Variants in GRIK1 observed in about 807,000 individuals in gnomAD.
GRIK1 encodes the protein glutamate receptor ionotropic, kainate 1.
Under a neutral mutation model 105.7 loss-of-function variants are expected in GRIK1, and 69 were observed. The observed-to-expected ratio is 0.65, with a 90% CI of 0.54 to 0.80. The LOEUF (loss-of-function observed/expected upper bound fraction) is 0.80. Among genes scored for constraint, GRIK1 ranks in the 30% least tolerant of loss-of-function variants. The pLI, the probability that GRIK1 is intolerant of heterozygous loss-of-function variation, is 0.00. For missense variants in GRIK1, 1,109 were observed against 1,167.3 expected, an observed-to-expected ratio of 0.95 and a Z score of 0.73; for synonymous variants, 438 against 431.3, an observed-to-expected ratio of 1.02 and a Z score of -0.19.
chr21:29,683,937 C>A (rs964852955), intron 3 of GRIK1, among the ~76,000 whole-genome samples: 3 of 152,224 alleles, frequency 2.0e-5, no homozygotes, highest in African/African-American at 7.2e-5. Flanking sequence ...TGCTCTCCCC[C>A]AGGTATCTAC....
Position 29,555,069 on chromosome 21 carries a change from TC to T in GRIK1, c.2589del (p.Asn864IlefsTer21). ...AIGEFIYKSR[K>X]NNDIEQKGKS... ...TGACTCACCTGTTCAATATCATTAT[TC>T]TTCCGTGATTTGTATATGAATTCTC... is the stretch of plus-strand genomic sequence containing the variant. On this transcript the variant is annotated frameshift_variant, in exon 16 of 18. Transcript: ENST00000327783. LOFTEE classifies it high-confidence loss of function. 6.2e-7 allele frequency: 1 copy of T among 1,610,400 alleles called. No homozygotes were observed.
chr21:29,802,169 G>C (rs112773380), intron 1 of GRIK1, among the ~76,000 whole-genome samples: 1 of 152,090 alleles, frequency 6.6e-6, no homozygotes, highest in Non-Finnish European at 1.5e-5. Flanking sequence ...ATTCTCAATT[G>C]TCTCTGAATT....
intron 1 of GRIK1, among the ~76,000 whole-genome samples, chr21:29,751,450 C>T (rs538225412): frequency 6.6e-6 from 1 of 152,188 alleles, no homozygotes; most frequent in Non-Finnish European, 1.5e-5. Context: ...CCTTTAGCTG[C>T]CTCTTGGTCC....
intron 3 of GRIK1, among the ~76,000 whole-genome samples, chr21:29,674,448 T>G (rs2063227439): frequency 6.6e-6 from 1 of 152,046 alleles, no homozygotes. Context: ...TGTAGAACCT[T>G]ATCAAGATTT....
chr21:29,914,973 AT>A (rs1486883268), intron 1 of GRIK1, among the ~76,000 whole-genome samples: 2 of 152,036 alleles, frequency 1.3e-5, no homozygotes, highest in Non-Finnish European at 2.9e-5. Flanking sequence ...AATTATTTAT[AT>A]TTTTTATTGT....
chr21:29,874,725 A>G (rs557866318), intron 1 of GRIK1, among the ~76,000 whole-genome samples: 1 of 152,294 alleles, frequency 6.6e-6, no homozygotes, highest in African/African-American at 2.4e-5. Context: ...CTGTATGTGG[A>G]GAGAAGACCC....
intron 1 of GRIK1, among the ~76,000 whole-genome samples, chr21:29,764,826 A>G (rs1410382770): frequency 3.9e-5 from 6 of 152,208 alleles, no homozygotes; most frequent in Admixed American, 3.3e-4. Flanking sequence ...AATTAAATAT[A>G]TTATAAACGT....
At chr21:29,926,441 A>AG (rs1192700835) in intron 1 of GRIK1, among the ~76,000 whole-genome samples, 1 of 152,198 alleles carries the variant, frequency 6.6e-6, no homozygotes, top group African/African-American at 2.4e-5. Flanking sequence ...TATGAGAAAA[A>AG]CAAAGTTGCA....
chr21:29,880,988 A>T (rs1177272385), intron 1 of GRIK1, among the ~76,000 whole-genome samples: 2 of 152,152 alleles, frequency 1.3e-5, no homozygotes, highest in Non-Finnish European at 2.9e-5. Context: ...CCACTGAACA[A>T]CACCAATGTA....
chr21:29,651,695 G>C (rs2062740745), intron 5 of GRIK1, among the ~76,000 whole-genome samples: 1 of 151,950 alleles, frequency 6.6e-6, no homozygotes, highest in East Asian at 1.9e-4. Flanking sequence ...ACTTCATAAT[G>C]GTTCCAGTCT....
At chr21:29,697,918 C>CTT (rs1457406664) in intron 1 of GRIK1, among the ~76,000 whole-genome samples, 43 of 134,674 alleles carry the variant, frequency 3.2e-4, no homozygotes, top group African/African-American at 1.4e-3. Context: ...TTCTTTCTTT[C>CTT]TCTCTCTCTC....
intron 1 of GRIK1, among the ~76,000 whole-genome samples, chr21:29,842,454 G>C (rs1002411628): frequency 3.9e-5 from 6 of 152,146 alleles, no homozygotes; most frequent in Non-Finnish European, 8.8e-5. Flanking sequence ...TTCAAATTCT[G>C]AAGGCTTACT....
chr21:29,720,991 A>T (rs557112558), intron 1 of GRIK1, among the ~76,000 whole-genome samples: 20 of 151,966 alleles, frequency 1.3e-4, no homozygotes, highest in African/African-American at 3.9e-4. Context: ...AGTTGACCCC[A>T]CTCCCAGACA....
intron 1 of GRIK1, chr21:29,748,931 G>C (rs1003558260): frequency 6.6e-6 from 1 of 152,198 alleles, no homozygotes; most frequent in African/African-American, 2.4e-5. Flanking sequence ...AATTCGATCT[G>C]GAGTTAAGAA....
Position 29,848,755 on chromosome 21 carries a change from G to GTGTATATATA in GRIK1, c.118+90627_118+90628insTATATATACA, listed in dbSNP as rs773386863. On this transcript the variant is annotated intron_variant, in intron 1 of 17. Coordinates refer to ENST00000327783, the MANE Select transcript of GRIK1 (RefSeq NM_001330994.2). ...TCCTTAAATAGACCAAGTTGTGTGT[G>GTGTATATATA]TATATATATATATATATATATATAT... 3.2e-3 allele frequency among the ~76,000 whole-genome samples: 295 copies of GTGTATATATA among 91,156 alleles called. 1 individual carries two copies. Among genetic ancestry groups the GTGTATATATA allele is most frequent in the Middle Eastern group, 9.4e-3 (1 of 106 alleles). The allele number at this position is 91,156 out of a possible 152,430, so 59.8% of individuals were successfully genotyped here. A position where few individuals can be genotyped will look rare whatever the true frequency, so the allele number is the denominator to read the frequency against.
intron 1 of GRIK1, among the ~76,000 whole-genome samples, chr21:29,808,781 C>T (rs1328555224): frequency 6.6e-6 from 1 of 152,124 alleles, no homozygotes; most frequent in African/African-American, 2.4e-5. Context: ...CTTCCAATGC[C>T]CCCTGCAGTT....
At chr21:29,675,830 G>C (rs1003428314) in intron 3 of GRIK1, among the ~76,000 whole-genome samples, 1 of 152,124 alleles carries the variant, frequency 6.6e-6, no homozygotes, top group African/African-American at 2.4e-5. Flanking sequence ...CCGGGATTAA[G>C]GCCAAATCCA....
intron 1 of GRIK1, among the ~76,000 whole-genome samples, chr21:29,701,144 C>T (rs1422424435): frequency 3.9e-5 from 6 of 152,226 alleles, no homozygotes; most frequent in Non-Finnish European, 8.8e-5. Context: ...TCATTTATTT[C>T]CTCATTTATT....
chr21:29,588,891 G>T lies in GRIK1; in HGVS notation c.1517C>A (p.Ala506Asp). 6.2e-7 allele frequency: 1 copy of T among 1,610,202 alleles called. No homozygotes were observed. Among genetic ancestry groups the T allele is most frequent in the East Asian group, 2.2e-5 (1 of 44,840 alleles). ...VKLVPDGKYGAQNDKGEWNGM... is the reference protein window; with the variant it reads ...VKLVPDGKYGDQNDKGEWNGM... ...GTTCCACTCCCCTTTGTCATTCTGG[G>T]CCCCATATTTGCCATCGGGAACTAG... The change falls in exon 11 of 18, where the codon GCC (alanine) becomes GAC (aspartate). Residue 506 changes from alanine (A) to aspartate (D), a missense_variant. This residue lies in a region of GRIK1 where 54 missense variants were observed against 88.1 expected (regional missense o/e 0.61). Transcript: ENST00000327783.
Sources: allele counts gnomAD v4.1 joint callset (sites outside exome capture counted in the v4.1 genomes callset), GRCh38; gene constraint gnomAD v4.1.1; regional missense constraint gnomAD v4.1.1; transcripts MANE v1.5; gene names NCBI Gene and HGNC (gene_info 2026-07-23, HGNC 2026-07-21).